Variants in CSNK1A1 observed in about 807,000 individuals in gnomAD.
CSNK1A1 encodes casein kinase I isoform alpha.
Under a neutral mutation model 46.1 loss-of-function variants are expected in CSNK1A1, and 7 were observed. That is an observed-to-expected ratio of 0.15 (90% CI 0.09 to 0.29). The LOEUF is 0.29. Among genes scored for constraint, CSNK1A1 ranks in the 10% least tolerant of loss-of-function variants. The pLI is 1.00. For missense variants in CSNK1A1, 96 were observed against 417.1 expected, an observed-to-expected ratio of 0.23 and a Z score of 6.71; for synonymous variants, 137 against 141.5, an observed-to-expected ratio of 0.97 and a Z score of 0.23.
At chr5:149,547,328 T>C (rs1308155832) in intron 2 of CSNK1A1, among the ~76,000 whole-genome samples, 4 of 152,262 alleles carry the variant, frequency 2.6e-5, no homozygotes, top group Admixed American at 2.6e-4. Context: ...GTTAATTTAT[T>C]CATGTGCTTA....
At chr5:149,549,517 A>G (rs752625849) in intron 2 of CSNK1A1, 1 of 702,222 alleles carries the variant, frequency 1.4e-6, no homozygotes, top group Non-Finnish European at 2.6e-6. Context: ...GGGGCTGCTA[A>G]AGGAGGAATC....
chr5:149,545,429 T>C, intron 2 of CSNK1A1: 1 of 533,506 alleles, frequency 1.9e-6, no homozygotes, highest in Non-Finnish European at 3.4e-6. Flanking sequence ...GGGAGGAGCC[T>C]GAGCTGGAAC....
chr5:149,538,693 C>T (rs894230113), intron 2 of CSNK1A1, among the ~76,000 whole-genome samples: 3 of 152,130 alleles, frequency 2.0e-5, no homozygotes, highest in Admixed American at 6.5e-5. Flanking sequence ...GAGGCCAAGG[C>T]AGCTGGATCA....
At chr5:149,543,304 C>A (rs1390861717) in intron 2 of CSNK1A1, among the ~76,000 whole-genome samples, 1 of 152,118 alleles carries the variant, frequency 6.6e-6, no homozygotes, top group East Asian at 1.9e-4. Flanking sequence ...ATTCAACAGT[C>A]TAATTTGTAT....
chr5:149,513,297 A>G, intron 4 of CSNK1A1, 88 bp from the exon 5 acceptor site: 8 of 1,193,194 alleles, frequency 6.7e-6, no homozygotes, highest in Non-Finnish European at 9.3e-6. Flanking sequence ...TATTCTATGC[A>G]TTCAAATATA....
intron 2 of CSNK1A1, among the ~76,000 whole-genome samples, chr5:149,529,178 C>T (rs997960554): frequency 1.1e-4 from 17 of 152,084 alleles, no homozygotes; most frequent in African/African-American, 4.1e-4. Flanking sequence ...ATAAAATGTT[C>T]GGGGATCTCA....
At chr5:149,549,802 A>G (rs1428703036) in intron 2 of CSNK1A1, among the ~76,000 whole-genome samples, 6 of 152,192 alleles carry the variant, frequency 3.9e-5, no homozygotes, top group African/African-American at 7.2e-5. Flanking sequence ...GTAGGGATCA[A>G]AGATGACCTG....
chr5:149,504,582 T>C (rs1760968340), intron 9 of CSNK1A1: 1 of 985,230 alleles, frequency 1.0e-6, no homozygotes, highest in South Asian at 4.7e-5. Flanking sequence ...ATAGCAACAG[T>C]GTGCCCTAAC....
chr5:149,528,405 TC>T (rs1761786891), intron 2 of CSNK1A1, among the ~76,000 whole-genome samples: 2 of 152,200 alleles, frequency 1.3e-5, no homozygotes. Context: ...CTTTCACACT[TC>T]CTTTGGTCTC....
At chr5:149,547,166 G>A (rs1263966864) in intron 2 of CSNK1A1, among the ~76,000 whole-genome samples, 1 of 152,088 alleles carries the variant, frequency 6.6e-6, no homozygotes, top group Non-Finnish European at 1.5e-5. Flanking sequence ...CTTCCTTAGA[G>A]CCAGATCCTG....
chr5:149,549,360 G>T, intron 2 of CSNK1A1: 1 of 646,854 alleles, frequency 1.5e-6, no homozygotes, highest in South Asian at 1.6e-5. Context: ...AAAGAACTAC[G>T]AAGGATTTTA....
At chr5:149,548,371 A>G (rs535955187) in intron 2 of CSNK1A1, among the ~76,000 whole-genome samples, 29 of 151,414 alleles carry the variant, frequency 1.9e-4, no homozygotes, top group African/African-American at 6.1e-4. Flanking sequence ...GGTGGAGACC[A>G]GCCTGGCCAA....
intron 9 of CSNK1A1, chr5:149,502,704 G>A (rs1760908711): frequency 2.0e-6 from 2 of 984,584 alleles, no homozygotes; most frequent in Non-Finnish European, 2.4e-6. Flanking sequence ...ACCCCAGTAG[G>A]ATGTTTTCAT....
intron 9 of CSNK1A1, chr5:149,502,523 G>GGA: frequency 4.7e-6 from 1 of 211,492 alleles, no homozygotes; most frequent in Non-Finnish European, 7.4e-6. Context: ...TTTTTTTTGG[G>GGA]GGGGGGGGGG....
At chr5:149,523,643 G>A (rs532523075) in intron 3 of CSNK1A1, among the ~76,000 whole-genome samples, 24 of 152,286 alleles carry the variant, frequency 1.6e-4, no homozygotes, top group African/African-American at 5.8e-4. Flanking sequence ...TACAGAAAAT[G>A]GGCACTACTT....
At chr5:149,534,912 A>G (rs1319870143) in intron 2 of CSNK1A1, among the ~76,000 whole-genome samples, 7 of 151,478 alleles carry the variant, frequency 4.6e-5, no homozygotes, top group African/African-American at 1.7e-4. Flanking sequence ...CTCCCAAAAA[A>G]AAAAAAAAAA....
Position 149,517,704 on chromosome 5 carries a change from A to G in CSNK1A1, c.456+2586T>C. The G allele has an allele frequency of 2.3e-6, 2 of 871,958 alleles. No homozygotes were observed. Among genetic ancestry groups the G allele is most frequent in the Non-Finnish European group, 3.6e-6 (2 of 548,406 alleles). The allele number at this position is 871,958 out of a possible 1,614,324, so 54.0% of individuals were successfully genotyped here. A position where few individuals can be genotyped will look rare whatever the true frequency, so the allele number is the denominator to read the frequency against. ...AGCAAGATCTACATTCTCCAGAATT[A>G]AAACAAAACAAAAATCATCAAAATA... is the stretch of plus-strand genomic sequence containing the variant. On this transcript the variant is annotated intron_variant, in intron 4 of 9. Transcript: ENST00000377843. The surrounding 1 kb of genome is among the most constrained non-coding windows in gnomAD (Gnocchi z 4.4).
chr5:149,502,010 G>A (rs1760873293), intron 9 of CSNK1A1: 1 of 965,432 alleles, frequency 1.0e-6, no homozygotes, highest in African/African-American at 1.8e-5. Flanking sequence ...TCTTTTGATG[G>A]ATATTGGAAT....
Position 149,493,996 on chromosome 5 carries a change from A to G in CSNK1A1, c.*2857T>C, listed in dbSNP as rs1300055551. 1 of 152,244 alleles carries G rather than the reference A, an allele frequency of 6.6e-6. No homozygotes were observed. The highest frequency in any genetic ancestry group is 1.9e-4 in the East Asian group (1 of 5,198). 9.4% of individuals were successfully genotyped at this position (152,244 alleles called of 1,614,324 possible). ...GAATTTAACTGAGCTAAAAATGTCTAGGCCATCCCTTCTTAGAATTCCCAT... is the reference window on the plus strand; with the variant it reads ...GAATTTAACTGAGCTAAAAATGTCTGGGCCATCCCTTCTTAGAATTCCCAT... On this transcript the variant is annotated 3_prime_UTR_variant, in exon 10 of 10. Transcript: ENST00000377843.
Sources: gnomAD v4.1 joint callset for allele counts (sites outside exome capture counted in the v4.1 genomes callset) on GRCh38, gnomAD v4.1.1 for gene constraint, Gnocchi (gnomAD v3.1) non-coding constraint, MANE v1.5 for transcripts, NCBI Gene and HGNC (gene_info 2026-07-23, HGNC 2026-07-21) for gene names.